The following NTHL1 variants were observed in gnomAD, a reference collection of about 807,000 sequenced individuals.
NTHL1 encodes the protein endonuclease III-like protein 1.
A neutral mutation model predicts 32.3 loss-of-function variants in NTHL1; 32 were observed. That is an observed-to-expected ratio of 0.99 (90% CI 0.75 to 1.33). NTHL1 has a LOEUF of 1.33. NTHL1 is among the 40% of genes most tolerant of loss of function. The pLI is 0.00. For synonymous variants in NTHL1, 188 were observed against 176.9 expected (o/e 1.06, Z -0.50); for missense variants, 501 against 414.1 (o/e 1.21, Z -1.82).
Position 2,044,701 on chromosome 16 carries a change from T to C in NTHL1, c.454A>G (p.Thr152Ala), listed in dbSNP as rs1472473035. The change falls in exon 3 of 6, where the codon ACG (threonine) becomes GCG (alanine). Residue 152 changes from threonine (T) to alanine (A), a missense_variant. Transcript: ENST00000651570. The surrounding 1 kb of genome is among the most constrained non-coding windows in gnomAD (Gnocchi z 5.0). ...TCTGTCTGCAGGATGCTGTCCACCG[T>C]CAGGCCCCGCGCCCGCAGTCGCTGC... ...AMQRLRARGL[T>A]VDSILQTDDA... 6.2e-7 allele frequency: 1 copy of C among 1,612,460 alleles called. No individual in the cohort carries two copies. The highest frequency in any genetic ancestry group is 1.7e-5 in the Admixed American group (1 of 60,018).
chr16:2,042,115 G>A (rs1010543844), intron 4 of NTHL1: 7 of 455,586 alleles, frequency 1.5e-5, no homozygotes, highest in Non-Finnish European at 3.1e-5. Flanking sequence ...CAGCCCTGGG[G>A]TCTCCTTGCA....
chr16:2,046,748 G>A (rs2084422459), intron 1 of NTHL1, among the ~76,000 whole-genome samples: 1 of 152,158 alleles, frequency 6.6e-6, no homozygotes, highest in African/African-American at 2.4e-5. Flanking sequence ...GAGGTGGGTG[G>A]ATCACTTGAG....
In NTHL1 at chr16:2,039,970, T is replaced by C. The variant is rs2084236840; in HGVS notation, c.869A>G (p.His290Arg). ...QTCLPVHPRC[H>R]ACLNQALCPA... ...GCAGAGGGCTTGGTTGAGGCAGGCGTGGCAGCGAGGGTGCACAGGCAGACA... is the reference window on the plus strand; with the variant it reads ...GCAGAGGGCTTGGTTGAGGCAGGCGCGGCAGCGAGGGTGCACAGGCAGACA... The change falls in exon 6 of 6, where the codon CAC becomes CGC. Residue 290 changes from histidine (H) to arginine (R), a missense_variant. Transcript: ENST00000651570. 4 of 1,608,458 alleles carry C rather than the reference T, an allele frequency of 2.5e-6. No homozygotes were observed. Among genetic ancestry groups the C allele is most frequent in the Non-Finnish European group, 3.4e-6 (4 of 1,179,926 alleles).
intron 1 of NTHL1, 67 bp from the exon 2 acceptor site, chr16:2,046,433 C>T (rs2084394499): frequency 9.9e-6 from 14 of 1,417,370 alleles, no homozygotes; most frequent in Admixed American, 1.8e-5. Flanking sequence ...GGTGCCATCC[C>T]GCCTGCTAGC....
intron 4 of NTHL1, among the ~76,000 whole-genome samples, chr16:2,042,770 C>G (rs143604769): frequency 1.6e-4 from 23 of 148,052 alleles, no homozygotes; most frequent in Admixed American, 6.7e-4. Flanking sequence ...GGCCCTCCCC[C>G]CAGTGCCTCC....
Position 2,046,240 on chromosome 16 carries a change from G to A in NTHL1, c.242C>T (p.Pro81Leu), listed in dbSNP as rs753642509. 21 of 1,613,102 alleles carry A rather than the reference G, an allele frequency of 1.3e-5. No individual in the cohort carries two copies. The highest frequency in any genetic ancestry group is 1.8e-5 in the Non-Finnish European group (21 of 1,180,014). ...AEPLKVPVWE[P>L]QDWQQQLVNI... ...GACCAGCTGTTGCTGCCAGTCCTGGGGCTCCCAGACTGGCACCTTGAGGGG... is the reference window on the plus strand; with the variant it reads ...GACCAGCTGTTGCTGCCAGTCCTGGAGCTCCCAGACTGGCACCTTGAGGGG... The change falls in exon 2 of 6, where the codon CCC becomes CTC. Residue 81 changes from proline (P) to leucine (L), a missense_variant. Physicochemically the swap from Pro to Leu is moderately conservative, Grantham distance 98. Transcript: ENST00000651570.
In NTHL1 at chr16:2,046,348, C is replaced by A. The variant is rs1567372419; in HGVS notation, c.134G>T (p.Ser45Ile). ...EAAAEARKSH[S>I]PVKRPRKAQR... The stretch of plus-strand genomic sequence containing the variant: ...TGCTTTCCGCGGACGCTTCACGGGG[C>A]TGTGGCTTTTCCTCGCTTCTGCAAA... Residue 45 changes from serine to isoleucine, a missense_variant, in exon 2 of 6, where the codon AGC becomes ATC. Physicochemically the swap from Ser to Ile is moderately radical, Grantham distance 142 (BLOSUM62 -2). Transcript: ENST00000651570. 1 of 1,606,450 alleles carries A rather than the reference C, an allele frequency of 6.2e-7. No homozygotes were observed. The highest frequency in any genetic ancestry group is 1.3e-5 in the African/African-American group (1 of 74,938).
In NTHL1 at chr16:2,040,140, G is replaced by T; in HGVS notation, c.784C>A (p.Leu262Met). The T allele has an allele frequency of 6.2e-7, 1 of 1,613,784 alleles. No homozygotes were observed. Among genetic ancestry groups the T allele is most frequent in the South Asian group, 1.1e-5 (1 of 91,084 alleles). ...EETRAALEEWLPRELWHEING... is the reference protein window; with the variant it reads ...EETRAALEEWMPRELWHEING... ...CCCCCCACATACTCATACCTAGGCA[G>T]CCACTCCTCCAGGGCGGCGCGGGTC... The change falls in exon 5 of 6, where the codon CTG becomes ATG. Residue 262 changes from leucine (L) to methionine (M), a missense_variant. By Grantham distance (15) the Leu-to-Met change is conservative. Coordinates refer to ENST00000651570, the MANE Select transcript of NTHL1 (RefSeq NM_002528.7).
At position 2,046,191 on chromosome 16, in the gene NTHL1, T is replaced by A. The variant is rs565550228; in HGVS notation, c.291A>T (p.Lys97Asn). 5 of 1,613,258 alleles carry A rather than the reference T, an allele frequency of 3.1e-6. No homozygotes were observed. In the South Asian group the frequency reaches 5.5e-5, roughly 18 times the overall value. ...QLVNIRAMRN[K>N]KDAPVDHLGT... ...CCAGATGGTCCACAGGTGCATCCTT[T>A]TTGTTCCTCATGGCACGGATGTTGA... Residue 97 changes from lysine to asparagine, a missense_variant, in exon 2 of 6, where the codon AAA becomes AAT. Physicochemically the swap from Lys to Asn is moderately conservative, Grantham distance 94. Coordinates refer to ENST00000651570, the MANE Select transcript of NTHL1 (RefSeq NM_002528.7).
In NTHL1 at chr16:2,043,967, G is replaced by T. The variant is rs1596219719; in HGVS notation, c.526-241C>A. On this transcript the variant is annotated intron_variant, in intron 3 of 5. Coordinates refer to ENST00000651570, the MANE Select transcript of NTHL1 (RefSeq NM_002528.7). The surrounding 1 kb of genome is among the most constrained non-coding windows in gnomAD (Gnocchi z 4.4). Reference sequence around the variant, plus strand: ...TGATGCACGTGTAGGCTCTGGCTGGGGTTCCCCTGCCCGTCATTCCCTGCC... The same window carrying T: ...TGATGCACGTGTAGGCTCTGGCTGGTGTTCCCCTGCCCGTCATTCCCTGCC... The T allele has an allele frequency of 2.0e-5, 11 of 556,372 alleles. No homozygotes were observed. The East Asian group carries it at 3.4e-4, about 17-fold the overall frequency. The allele number at this position is 556,372 out of a possible 1,614,324, so 34.5% of individuals were successfully genotyped here.
At position 2,047,313 on chromosome 16, in the gene NTHL1, C is replaced by A. The variant is rs529882323; in HGVS notation, c.115+396G>T. 5.2e-4 allele frequency: 141 copies of A among 272,162 alleles called. 1 individual carries two copies. Among genetic ancestry groups the A allele is most frequent in the African/African-American group, 3.0e-3 (129 of 43,354 alleles). 16.9% of individuals were successfully genotyped at this position (272,162 alleles called of 1,614,324 possible). Reference sequence around the variant, plus strand: ...GCCCTTTCCTGTTTTCCCTCAGAGGCACCCTCCCCCGAGCTGGGGGAGCAG... The same window carrying A: ...GCCCTTTCCTGTTTTCCCTCAGAGGAACCCTCCCCCGAGCTGGGGGAGCAG... On this transcript the variant is annotated intron_variant, in intron 1 of 5. Coordinates refer to ENST00000651570, the MANE Select transcript of NTHL1 (RefSeq NM_002528.7).
chr16:2,040,274 C>T (rs1160255417), intron 4 of NTHL1, 36 bp from the exon 5 acceptor site: 5 of 1,584,788 alleles, frequency 3.2e-6, no homozygotes, highest in South Asian at 1.1e-5. Context: ...CAGGGGCACA[C>T]TCCACCAGCC....
Position 2,046,108 on chromosome 16 carries a change from C to CAGAT in NTHL1, c.354+16_354+19dup, listed in dbSNP as rs761177500. On this transcript the variant is annotated intron_variant, in intron 2 of 5. Coordinates refer to ENST00000651570, the MANE Select transcript of NTHL1 (RefSeq NM_002528.7). ...TTGCTAAGATGGGGGGTCATCTGGGCAGATGGGGCCCCTGCCTACCTTTGG... is the reference window on the plus strand; with the variant it reads ...TTGCTAAGATGGGGGGTCATCTGGGCAGATAGATGGGGCCCCTGCCTACCTTTGG... 3 of 1,601,934 alleles carry CAGAT rather than the reference C, an allele frequency of 1.9e-6. No individual in the cohort carries two copies. The highest frequency in any genetic ancestry group is 2.6e-6 in the Non-Finnish European group (3 of 1,170,246).
At chr16:2,047,545 A>G (rs2084497082) in intron 1 of NTHL1, 164 bp downstream of exon 1, 1 of 1,213,816 alleles carries the variant, frequency 8.2e-7, no homozygotes, top group East Asian at 2.7e-5. Flanking sequence ...TCTTTGGGAA[A>G]AAGGCGCAAG....
In NTHL1 at chr16:2,044,300, T is replaced by C. The variant is rs1421386410; in HGVS notation, c.525+330A>G. Among the ~76,000 whole-genome samples, 1 of 152,028 alleles carries C rather than the reference T, an allele frequency of 6.6e-6. No homozygotes were observed. Among genetic ancestry groups the C allele is most frequent in the Non-Finnish European group, 1.5e-5 (1 of 67,986 alleles). On this transcript the variant is annotated intron_variant, in intron 3 of 5. Coordinates refer to ENST00000651570, the MANE Select transcript of NTHL1 (RefSeq NM_002528.7). The surrounding 1 kb of genome is among the most constrained non-coding windows in gnomAD (Gnocchi z 5.0). ...AGGGCTCCTGGAGGGTGAGGGGCTC[T>C]GGACAGGAGGGGGTGACACACCGGG...
chr16:2,043,748 A>G lies in NTHL1; in HGVS notation c.526-22T>C. 1 of 1,610,102 alleles carries G rather than the reference A, an allele frequency of 6.2e-7. No homozygotes were observed. The highest frequency in any genetic ancestry group is 1.7e-4 in the Middle Eastern group (1 of 6,054). On this transcript the variant is annotated intron_variant, in intron 3 of 5. Transcript: ENST00000651570. The surrounding 1 kb of genome is among the most constrained non-coding windows in gnomAD (Gnocchi z 4.4). ...TGCTCTGAAAGACAGGGGTGGGTTC[A>G]GCCTTGGAGGCAAGGGCACAGCCCA...
At position 2,044,823 on chromosome 16, in the gene NTHL1, CGG is replaced by C. The variant is rs768198453; in HGVS notation, c.355-25_355-24del. ...TACCTGCTTGTGCAGTGACAGGGAC[CGG>C]GGTGGCGGCGGGTCCTGGGTGATTC... On this transcript the variant is annotated intron_variant, in intron 2 of 5. Coordinates refer to ENST00000651570, the MANE Select transcript of NTHL1 (RefSeq NM_002528.7). The surrounding 1 kb of genome is among the most constrained non-coding windows in gnomAD (Gnocchi z 5.0). The C allele has an allele frequency of 6.3e-5, 99 of 1,571,610 alleles. No individual in the cohort carries two copies. The Middle Eastern group carries it at 1.3e-3, about 21-fold the overall frequency.
intron 2 of NTHL1, among the ~76,000 whole-genome samples, chr16:2,045,400 A>G (rs2084331325): frequency 6.6e-6 from 1 of 152,256 alleles, no homozygotes; most frequent in East Asian, 1.9e-4. Flanking sequence ...GGCCACTACT[A>G]TTATGATTGC....
rs2233523 is a variant in NTHL1 at position 2,040,144 on chromosome 16, C to G, written c.780G>C (p.Glu260Asp). 1 of 1,613,854 alleles carries G rather than the reference C, an allele frequency of 6.2e-7. No homozygotes were observed. Among genetic ancestry groups the G allele is most frequent in the East Asian group, 2.2e-5 (1 of 44,884 alleles). The change falls in exon 5 of 6, where the codon GAG becomes GAC. Residue 260 changes from glutamate to aspartate, a missense_variant. Glu to Asp is a conservative substitution (Grantham distance 45). Transcript: ENST00000651570. ...SPEETRAALEEWLPRELWHEI... is the reference protein window; with the variant it reads ...SPEETRAALEDWLPRELWHEI... ...CCACATACTCATACCTAGGCAGCCA[C>G]TCCTCCAGGGCGGCGCGGGTCTCCT...
Sources: allele counts gnomAD v4.1 joint callset (sites outside exome capture counted in the v4.1 genomes callset), GRCh38; gene constraint gnomAD v4.1.1; non-coding constraint Gnocchi (gnomAD v3.1); transcripts MANE v1.5; gene names NCBI Gene and HGNC (gene_info 2026-07-23, HGNC 2026-07-21).